IBTK: variants seen among roughly 807,000 people sequenced by gnomAD.
IBTK encodes the protein BTK-binding protein.
Under a neutral mutation model 154.9 loss-of-function variants are expected in IBTK, and 83 were observed. The observed-to-expected ratio is 0.54, with a 90% confidence interval of 0.45 to 0.64. The LOEUF (loss-of-function observed/expected upper bound fraction) is 0.64, where lower values mean the gene tolerates loss of function less well. IBTK is among the 30% of genes least tolerant of loss of function. The pLI is 0.00. For synonymous variants in IBTK, 515 were observed against 536.1 expected, an observed-to-expected ratio of 0.96 and a Z score of 0.54; for missense variants, 1,332 against 1,584.6, an observed-to-expected ratio of 0.84 and a Z score of 2.71.
At chr6:82,175,453 C>T (rs1386379349) in intron 26 of IBTK, among the ~76,000 whole-genome samples, 3 of 152,068 alleles carry the variant, frequency 2.0e-5, no homozygotes, top group Admixed American at 1.3e-4. Flanking sequence ...ATAACTTTTT[C>T]CACTCATGAT....
rs745693309 is a variant in IBTK, at chr6:82,171,570, G to A, written c.3931-14C>T. 11 of 1,571,966 alleles carry A rather than the reference G, an allele frequency of 7.0e-6. No individual in the cohort carries two copies. The highest frequency in any genetic ancestry group is 1.2e-5 in the South Asian group (1 of 86,906). On this transcript the variant is annotated splice_polypyrimidine_tract_variant and intron_variant, in intron 28 of 28. Coordinates refer to ENST00000306270, the MANE Select transcript of IBTK (RefSeq NM_015525.4). ...ATGCTCCTCAATCTGAAAGGAGGAAGGGAAAGAAGACTCTTTACTCTTTTA... is the reference window on the plus strand; with the variant it reads ...ATGCTCCTCAATCTGAAAGGAGGAAAGGAAAGAAGACTCTTTACTCTTTTA...
chr6:82,190,328 C>A (rs112422714), intron 25 of IBTK, among the ~76,000 whole-genome samples: 1 of 150,436 alleles, frequency 6.6e-6, no homozygotes, highest in African/African-American at 2.5e-5. Context: ...GGGTAGCTGC[C>A]AAGATCCTCC....
chr6:82,183,864 C>T (rs1269415356), intron 25 of IBTK, among the ~76,000 whole-genome samples: 1 of 152,178 alleles, frequency 6.6e-6, no homozygotes, highest in Non-Finnish European at 1.5e-5. Context: ...ATGCCATTAT[C>T]ACTGAGAATG....
chr6:82,226,858 A>T, intron 5 of IBTK, among the ~76,000 whole-genome samples: 1 of 152,088 alleles, frequency 6.6e-6, no homozygotes, highest in East Asian at 1.9e-4. Flanking sequence ...CGCCTGCTTC[A>T]GCCTCCCAAA....
At chr6:82,241,528 T>C (rs577834488) in intron 1 of IBTK, among the ~76,000 whole-genome samples, 38 of 152,298 alleles carry the variant, frequency 2.5e-4, no homozygotes, top group African/African-American at 9.1e-4. Context: ...TTAGATACGG[T>C]ACTTACTTTA....
intron 26 of IBTK, 94 bp downstream of exon 26, chr6:82,181,785 G>T: frequency 1.2e-6 from 1 of 825,898 alleles, no homozygotes; most frequent in Non-Finnish European, 1.8e-6. Context: ...CAAAAAATCT[G>T]CCTCATAAAG....
chr6:82,219,131 A>G (rs566257123), intron 9 of IBTK, among the ~76,000 whole-genome samples: 2 of 151,390 alleles, frequency 1.3e-5, no homozygotes, highest in East Asian at 3.9e-4. Context: ...TTTTCCTTCA[A>G]CTTTTAAGTT....
intron 15 of IBTK, 100 bp downstream of exon 15, chr6:82,211,267 A>C (rs1769625658): frequency 1.1e-6 from 1 of 906,056 alleles, no homozygotes; most frequent in Non-Finnish European, 1.7e-6. Context: ...AAACTGAGCT[A>C]AAATATCCAG....
At position 82,196,365 on chromosome 6, in the gene IBTK, C is replaced by T. The variant is rs759360099; in HGVS notation, c.3107G>A (p.Gly1036Glu). 1.2e-6 allele frequency: 2 copies of T among 1,612,806 alleles called. No homozygotes were observed. The highest frequency in any genetic ancestry group is 2.2e-5 in the East Asian group (1 of 44,772). Residue 1036 changes from glycine (G) to glutamate (E), a missense_variant, in exon 22 of 29, where the codon GGA (glycine) becomes GAA (glutamate). Gly to Glu is a moderately conservative substitution (Grantham distance 98). Around this residue, in one of 3 missense-constraint regions of IBTK, gnomAD observed 1,134 missense variants for 1,274.7 expected, o/e 0.89. Transcript: ENST00000306270. ...LTSDSEGSYA[G>E]VGSPRDLQSP... ...CTGTAAATCTCTAGGACTACCCACT[C>T]CTGCATAGCTTCCTTCAGAGTCTGA...
At chr6:82,225,715 T>A (rs952787635) in intron 5 of IBTK, 68 bp from the exon 6 acceptor site, 14 of 1,127,834 alleles carry the variant, frequency 1.2e-5, no homozygotes, top group Non-Finnish European at 1.8e-5. Flanking sequence ...TAGAATTTGA[T>A]GATACTACAT....
At chr6:82,221,043 T>C (rs1582236024) in intron 8 of IBTK, among the ~76,000 whole-genome samples, 1 of 151,584 alleles carries the variant, frequency 6.6e-6, no homozygotes, top group East Asian at 2.0e-4. Flanking sequence ...ATAACTGGTA[T>C]GGGCTGGGTG....
intron 25 of IBTK, among the ~76,000 whole-genome samples, chr6:82,188,639 C>G (rs376571050): frequency 6.6e-5 from 10 of 152,054 alleles, no homozygotes; most frequent in Admixed American, 4.6e-4. Context: ...AAGGTATCAT[C>G]AACAAACAAA....
At chr6:82,226,798 G>T (rs922435072) in intron 5 of IBTK, among the ~76,000 whole-genome samples, 1 of 151,996 alleles carries the variant, frequency 6.6e-6, no homozygotes, top group Non-Finnish European at 1.5e-5. Flanking sequence ...TAGAGACAGG[G>T]TTTCTCCATG....
At chr6:82,193,391 C>T (rs1294868044) in intron 23 of IBTK, among the ~76,000 whole-genome samples, 1 of 151,108 alleles carries the variant, frequency 6.6e-6, no homozygotes, top group Non-Finnish European at 1.5e-5. Flanking sequence ...TCCAGATGTT[C>T]CCACATATTA....
At chr6:82,210,502 T>TA (rs929626858) in intron 16 of IBTK, 5 of 153,342 alleles carry the variant, frequency 3.3e-5, no homozygotes, top group African/African-American at 9.7e-5. Flanking sequence ...CCTTTACTAT[T>TA]AGCAATCATT....
intron 12 of IBTK, among the ~76,000 whole-genome samples, chr6:82,213,542 T>C (rs1457799139): frequency 6.6e-6 from 1 of 152,172 alleles, no homozygotes; most frequent in Admixed American, 6.5e-5. Flanking sequence ...TCCCATTTCT[T>C]ATATTGAGAA....
At chr6:82,175,692 A>G (rs1768084508) in intron 26 of IBTK, among the ~76,000 whole-genome samples, 1 of 152,246 alleles carries the variant, frequency 6.6e-6, no homozygotes, top group African/African-American at 2.4e-5. Context: ...GCCTTCTGAA[A>G]ATAAACAGCA....
Position 82,234,178 on chromosome 6 carries a change from A to G in IBTK, c.399T>C (p.His133=), listed in dbSNP as rs190955422. The part of the protein sequence containing the change: ...LDLVMKDRPT[H]VVFKNTDPTD... ...TCTTACCAGTATTCTTGAATACTAC[A>G]TGAGTTGGTCTATCCTTCATTACAA... The change falls in exon 3 of 29, where the codon CAT becomes CAC. Residue 133 remains histidine (H), a synonymous_variant. Coordinates refer to ENST00000306270, the MANE Select transcript of IBTK (RefSeq NM_015525.4). 352 of 1,594,704 alleles carry G rather than the reference A, an allele frequency of 2.2e-4. 2 individuals carry two copies. The East Asian group carries it at 7.2e-3, about 32-fold the overall frequency.
At chr6:82,172,933 G>C (rs1028277252) in intron 27 of IBTK, 5 of 192,170 alleles carry the variant, frequency 2.6e-5, no homozygotes, top group Non-Finnish European at 5.3e-5. Flanking sequence ...ACAGTACGGA[G>C]AGGATACAAG....
Sources: gnomAD v4.1 joint callset for allele counts (sites outside exome capture counted in the v4.1 genomes callset) on GRCh38, gnomAD v4.1.1 for gene constraint, gnomAD v4.1.1 regional missense constraint, MANE v1.5 for transcripts, NCBI Gene and HGNC (gene_info 2026-07-23, HGNC 2026-07-21) for gene names.